The following PCDHGB5 variants were observed in gnomAD, a reference collection of about 807,000 sequenced individuals.
PCDHGB5 encodes protocadherin gamma-B5.
In PCDHGB5, 48 loss-of-function variants were observed where a neutral mutation model predicts 62.9. That is an observed-to-expected ratio of 0.76 (90% CI 0.61 to 0.97). The LOEUF (loss-of-function observed/expected upper bound fraction) is 0.97. Ranked by LOEUF, PCDHGB5 falls within the 50% of genes least tolerant of loss-of-function variation. The pLI is 0.00. For missense variants in PCDHGB5, 1,118 were observed against 1,198.6 expected (o/e 0.93, Z 0.99); for synonymous variants, 474 against 511.2 (o/e 0.93, Z 0.98).
In PCDHGB5 at chr5:141,441,804, C is replaced by CAT. The variant is rs1189673284; in HGVS notation, c.2397+41280_2397+41281insAT. The CAT allele has an allele frequency of 6.5e-4, 249 of 382,482 alleles. 2 individuals are homozygous for CAT. Among genetic ancestry groups the CAT allele is most frequent in the African/African-American group, 4.8e-3 (221 of 45,888 alleles). 23.7% of individuals were successfully genotyped at this position (382,482 alleles called of 1,614,324 possible). The stretch of plus-strand genomic sequence containing the variant: ...CCTGAATGACAACGCACCGCGGGTG[C>CAT]TGTACCCCAGCTCTGGAGCGCAATG... On this transcript the variant is annotated intron_variant, in intron 1 of 3. Transcript: ENST00000617380.
At chr5:141,438,720 G>A (rs1393152221) in intron 1 of PCDHGB5, among the ~76,000 whole-genome samples, 1 of 147,892 alleles carries the variant, frequency 6.8e-6, no homozygotes, top group Non-Finnish European at 1.5e-5. Flanking sequence ...GAGTGCAAGT[G>A]GTGTGATCTC....
chr5:141,425,794 G>A (rs915736198), intron 1 of PCDHGB5, among the ~76,000 whole-genome samples: 23 of 152,074 alleles, frequency 1.5e-4, no homozygotes, highest in Non-Finnish European at 2.2e-4. Context: ...CTTCCAATAT[G>A]TGCATTGCTT....
intron 1 of PCDHGB5, chr5:141,478,342 G>T (rs1489278202): frequency 6.2e-7 from 1 of 1,613,862 alleles, no homozygotes; most frequent in Non-Finnish European, 8.5e-7. Flanking sequence ...GGCCCTCCTT[G>T]CACGCGGACG....
At chr5:141,410,688 A>G in intron 1 of PCDHGB5, 1 of 1,519,164 alleles carries the variant, frequency 6.6e-7, no homozygotes, top group South Asian at 1.3e-5. Flanking sequence ...TAGGCATACT[A>G]CTTTATTTTC....
chr5:141,403,207 CACCGCGGGTAGGATAG>C, intron 1 of PCDHGB5: 1 of 1,613,966 alleles, frequency 6.2e-7, no homozygotes, highest in South Asian at 1.1e-5. Context: ...GCACCTTGGT[CACCGCGGGTAGGATAG>C]ACCGGGAGGA....
intron 1 of PCDHGB5, among the ~76,000 whole-genome samples, chr5:141,467,743 C>T (rs1166073224): frequency 8.5e-5 from 13 of 152,052 alleles, no homozygotes; most frequent in Non-Finnish European, 1.8e-4. Flanking sequence ...CTCGCTGCAA[C>T]CTCCGCCTCA....
At chr5:141,419,261 G>C (rs758952830) in intron 1 of PCDHGB5, 16 of 1,613,982 alleles carry the variant, frequency 9.9e-6, no homozygotes, top group Non-Finnish European at 1.3e-5. Context: ...CAACCAGCCG[G>C]GTGCCTCCAT....
intron 1 of PCDHGB5, among the ~76,000 whole-genome samples, chr5:141,434,748 C>T (rs932613622): frequency 2.0e-5 from 3 of 151,818 alleles, no homozygotes; most frequent in African/African-American, 7.3e-5. Flanking sequence ...CTATGAGACC[C>T]CTGATTCCCC....
intron 2 of PCDHGB5, among the ~76,000 whole-genome samples, chr5:141,499,182 C>T (rs980293990): frequency 5.3e-5 from 8 of 152,114 alleles, no homozygotes; most frequent in African/African-American, 1.7e-4. Flanking sequence ...GCCCAGCAAA[C>T]CATTTCCCCC....
At chr5:141,433,358 C>CTAT (rs2097585632) in intron 1 of PCDHGB5, 108 of 504,044 alleles carry the variant, frequency 2.1e-4, no homozygotes, top group African/African-American at 2.0e-3. Flanking sequence ...CTACTGTCTG[C>CTAT]CTATCTATCT....
chr5:141,417,969 T>G, intron 1 of PCDHGB5: 1 of 1,613,768 alleles, frequency 6.2e-7, no homozygotes, highest in Non-Finnish European at 8.5e-7. Flanking sequence ...CGCTACTCGA[T>G]TCCGGAGGAG....
rs759945612 is a variant in PCDHGB5 at position 141,409,754 on chromosome 5, C to T, written c.2397+9230C>T. ...GCAGAGCGGGGTGGTGTTCGCGCAG[C>T]GCGCCTTTGATCACGAGCAGCTGCG... On this transcript the variant is annotated intron_variant, in intron 1 of 3. Coordinates refer to ENST00000617380, the MANE Select transcript of PCDHGB5 (RefSeq NM_018925.3). 3 of 1,612,880 alleles carry T rather than the reference C, an allele frequency of 1.9e-6. No individual in the cohort carries two copies. In the Admixed American group the frequency reaches 5.0e-5, roughly 27 times the overall value.
intron 1 of PCDHGB5, chr5:141,417,710 T>C: frequency 8.0e-7 from 1 of 1,249,348 alleles, no homozygotes; most frequent in Non-Finnish European, 1.1e-6. Context: ...ACACAGAGGC[T>C]CCCGGCTGCG....
rs761350249 is a variant in PCDHGB5 at position 141,418,909 on chromosome 5, G to A, written c.2397+18385G>A. Reference sequence around the variant, plus strand: ...ACAACAGCCCAGAAATAATCATCACGTCACTCTCTGATCAGATTATGGAGG... The same window carrying A: ...ACAACAGCCCAGAAATAATCATCACATCACTCTCTGATCAGATTATGGAGG... On this transcript the variant is annotated intron_variant, in intron 1 of 3. Coordinates refer to ENST00000617380, the MANE Select transcript of PCDHGB5 (RefSeq NM_018925.3). The A allele has an allele frequency of 1.9e-6, 3 of 1,613,906 alleles. No homozygotes were observed. In the Admixed American group the frequency reaches 5.0e-5, roughly 27 times the overall value.
Position 141,422,343 on chromosome 5 carries a change from G to T in PCDHGB5, c.2397+21819G>T, listed in dbSNP as rs764862139. ...GTACAGTGATTGCTCTTCTAAATGT[G>T]CAAGATCAAGATTCTGGAGAAAATG... On this transcript the variant is annotated intron_variant, in intron 1 of 3. Transcript: ENST00000617380. 1.9e-6 allele frequency: 3 copies of T among 1,551,388 alleles called. No individual in the cohort carries two copies. The East Asian group carries it at 6.7e-5, about 35-fold the overall frequency.
At chr5:141,407,336 G>C (rs1005803062) in intron 1 of PCDHGB5, among the ~76,000 whole-genome samples, 1 of 152,124 alleles carries the variant, frequency 6.6e-6, no homozygotes, top group South Asian at 2.1e-4. Context: ...ATATTGAAAT[G>C]TATGTTAATT....
chr5:141,431,561 G>C lies in PCDHGB5; in HGVS notation c.2397+31037G>C. On this transcript the variant is annotated intron_variant, in intron 1 of 3. Transcript: ENST00000617380. The surrounding 1 kb of genome is among the most constrained non-coding windows in gnomAD (Gnocchi z 4.8). ...GCAGCTGCTTGTAGTCAACGCTACC[G>C]ACCCTGACGAAGGAGTCAATGCGGA... 6.2e-7 allele frequency: 1 copy of C among 1,614,146 alleles called. No homozygotes were observed. The highest frequency in any genetic ancestry group is 1.1e-5 in the South Asian group (1 of 91,080).
chr5:141,421,863 C>T (rs767555107), intron 1 of PCDHGB5: 1 of 1,613,746 alleles, frequency 6.2e-7, no homozygotes, highest in Non-Finnish European at 8.5e-7. Flanking sequence ...ACCTGCTCCT[C>T]CTCACAGCTT....
chr5:141,418,576 C>T, intron 1 of PCDHGB5: 2 of 1,614,012 alleles, frequency 1.2e-6, no homozygotes, highest in South Asian at 1.1e-5. Flanking sequence ...ATGACAACCC[C>T]CCAGTGTTCA....
Sources: allele counts gnomAD v4.1 joint callset (sites outside exome capture counted in the v4.1 genomes callset), GRCh38; gene constraint gnomAD v4.1.1; non-coding constraint Gnocchi (gnomAD v3.1); transcripts MANE v1.5; gene names NCBI Gene and HGNC (gene_info 2026-07-23, HGNC 2026-07-21).